The following DSG4 variants were observed in gnomAD, a reference collection of about 807,000 sequenced individuals.
DSG4 encodes desmoglein-4.
Under a neutral mutation model 93.1 loss-of-function variants are expected in DSG4, and 87 were observed. That is an observed-to-expected ratio of 0.93 (90% confidence interval 0.79 to 1.12). The LOEUF (loss-of-function observed/expected upper bound fraction) is 1.12, where lower values mean the gene tolerates loss of function less well. DSG4 is among the 50% of genes most tolerant of loss of function. The probability of loss-of-function intolerance (pLI) is 0.00; values close to 1 mark genes in which losing one functional copy is unlikely to be tolerated. For missense variants in DSG4, 1,373 were observed against 1,285.7 expected (o/e 1.07, Z -1.04); for synonymous variants, 432 against 452.9 (o/e 0.95, Z 0.59).
At chr18:31,410,935 G>C (rs7241860) in intron 14 of DSG4, among the ~76,000 whole-genome samples, 3,623 of 152,252 alleles carry the variant, frequency 0.024, 146 homozygotes, top group African/African-American at 0.081. Context: ...CGGCGGGAAC[G>C]GGCGCCTGCT....
intron 9 of DSG4, among the ~76,000 whole-genome samples, chr18:31,400,619 A>G (rs935683735): frequency 6.6e-6 from 1 of 151,952 alleles, no homozygotes; most frequent in Non-Finnish European, 1.5e-5. Context: ...TAGAGCTGAA[A>G]TAAACTCATA....
intron 1 of DSG4, among the ~76,000 whole-genome samples, chr18:31,380,931 A>G (rs768278310): frequency 6.6e-6 from 1 of 152,202 alleles, no homozygotes; most frequent in Non-Finnish European, 1.5e-5. Flanking sequence ...TCTCTCTAGA[A>G]GTAAGGATTA....
At chr18:31,408,061 T>A (rs914198741) in intron 12 of DSG4, among the ~76,000 whole-genome samples, 2 of 152,188 alleles carry the variant, frequency 1.3e-5, no homozygotes, top group African/African-American at 4.8e-5. Flanking sequence ...AACTGATGGA[T>A]TGTAGAATAG....
rs1316287891 is a variant in DSG4 at position 31,388,383 on chromosome 18, AATCGAACCAGAAGATAACATACCGG to A, written c.236_260del (p.Ser79PhefsTer4). ...TTCTTATAGATTCGATCAGACTGCG[AATCGAACCAGAAGATAACATACCGG>A]ATTTCTGGAGTAGGGATTGATCGAC... On this transcript the variant is annotated frameshift_variant, in exon 4 of 16. Coordinates refer to ENST00000308128, the MANE Select transcript of DSG4 (RefSeq NM_177986.5). LOFTEE classifies it high-confidence loss of function. The A allele has an allele frequency of 1.2e-6, 2 of 1,613,194 alleles. No individual in the cohort carries two copies. The highest frequency in any genetic ancestry group is 1.7e-6 in the Non-Finnish European group (2 of 1,179,494).
chr18:31,391,669 A>C (rs1389767308), intron 7 of DSG4, among the ~76,000 whole-genome samples: 8 of 151,746 alleles, frequency 5.3e-5, no homozygotes, highest in African/African-American at 1.2e-4. Flanking sequence ...GGTTTAAAAA[A>C]AAAAACAAAA....
At chr18:31,405,839 G>A (rs187954202) in intron 11 of DSG4, among the ~76,000 whole-genome samples, 24 of 152,018 alleles carry the variant, frequency 1.6e-4, no homozygotes, top group African/African-American at 2.2e-4. Context: ...AGTCATGTTC[G>A]TGCCACTGCA....
intron 1 of DSG4, among the ~76,000 whole-genome samples, chr18:31,380,416 A>G (rs978979928): frequency 9.9e-5 from 15 of 152,180 alleles, no homozygotes; most frequent in Admixed American, 9.2e-4. Flanking sequence ...CCCTTCCCCA[A>G]GTGGGAGCAC....
chr18:31,391,658 C>T (rs1038810643), intron 7 of DSG4, among the ~76,000 whole-genome samples: 23 of 150,544 alleles, frequency 1.5e-4, no homozygotes, highest in South Asian at 6.3e-4. Context: ...CTGTCTGTTT[C>T]GGTTTAAAAA....
At chr18:31,407,380 T>C (rs888925003) in intron 12 of DSG4, among the ~76,000 whole-genome samples, 3 of 152,202 alleles carry the variant, frequency 2.0e-5, no homozygotes, top group African/African-American at 7.2e-5. Context: ...CTCTGGGCTC[T>C]GGGTGAGTGC....
rs537414253 is a variant in DSG4 at position 31,404,476 on chromosome 18, T to G, written c.1636+842T>G. Among the ~76,000 whole-genome samples, 29 of 152,302 alleles carry G rather than the reference T, an allele frequency of 1.9e-4. 1 individual carries two copies. In the South Asian group the frequency reaches 5.8e-3, roughly 30 times the overall value. On this transcript the variant is annotated intron_variant, in intron 11 of 15. Coordinates refer to ENST00000308128, the MANE Select transcript of DSG4 (RefSeq NM_177986.5). ...TGAGAGGATCTCATATGGGCTAAGA[T>G]AGCTCCCCAATCTCATATTCATTTG...
At chr18:31,377,836 C>T (rs754438784) in intron 1 of DSG4, among the ~76,000 whole-genome samples, 4 of 152,180 alleles carry the variant, frequency 2.6e-5, no homozygotes, top group Non-Finnish European at 4.4e-5. Flanking sequence ...TAGTTGGCCA[C>T]ACTTCAATCT....
intron 14 of DSG4, among the ~76,000 whole-genome samples, chr18:31,410,925 C>CG (rs1216150756): frequency 6.6e-6 from 1 of 152,196 alleles, no homozygotes; most frequent in Non-Finnish European, 1.5e-5. Flanking sequence ...GCAGCAGCCA[C>CG]GGCGGGAACG....
At chr18:31,396,858 C>T (rs890670650) in intron 8 of DSG4, among the ~76,000 whole-genome samples, 2 of 152,264 alleles carry the variant, frequency 1.3e-5, no homozygotes, top group Middle Eastern at 3.4e-3. Flanking sequence ...CATGCCGAGA[C>T]TTTTCTTCCA....
rs765398241 is a variant in DSG4, at chr18:31,388,519, CTT to C, written c.370_371del (p.Leu124AspfsTer11). 1 of 1,613,276 alleles carries C rather than the reference CTT, an allele frequency of 6.2e-7. No individual in the cohort carries two copies. The highest frequency in any genetic ancestry group is 8.5e-7 in the Non-Finnish European group (1 of 1,179,468). ...TAGACAGAGAAATAACTCCACTTTT[CTT>C]GGTAAGTCATAGCCATATGTTTTGA... ...VVDREITPLF[L>X]IYCRALNSRG... On this transcript the variant is annotated frameshift_variant and splice_region_variant, in exon 4 of 16. Transcript: ENST00000308128. LOFTEE classifies it high-confidence loss of function.
At chr18:31,411,883 G>A (rs561549393) in intron 15 of DSG4, among the ~76,000 whole-genome samples, 1 of 152,252 alleles carries the variant, frequency 6.6e-6, no homozygotes, top group African/African-American at 2.4e-5. Flanking sequence ...GGAACGAAAG[G>A]AGTTAAAACT....
chr18:31,394,382 A>T (rs1163331672), intron 8 of DSG4, among the ~76,000 whole-genome samples: 2 of 152,202 alleles, frequency 1.3e-5, no homozygotes, highest in African/African-American at 4.8e-5. Flanking sequence ...GTTTGAGACC[A>T]GCCTGACCAA....
intron 8 of DSG4, among the ~76,000 whole-genome samples, chr18:31,393,456 A>G (rs1363772810): frequency 1.3e-5 from 2 of 152,190 alleles, no homozygotes; most frequent in African/African-American, 4.8e-5. Context: ...ATCATTGTGG[A>G]AGGCAAAGGG....
chr18:31,413,060 C>A lies in DSG4; in HGVS notation c.2588C>A (p.Pro863Gln), dbSNP rs373617984. Residue 863 changes from proline to glutamine, a missense_variant, in exon 16 of 16, where the codon CCA becomes CAA. Transcript: ENST00000308128. Reference protein sequence around the residue: ...EPFPSHQACIPISTDLPLLGP... With the variant: ...EPFPSHQACIQISTDLPLLGP... ...TTTCCTTCACACCAGGCTTGTATAC[C>A]AATCAGTACTGACCTCCCTTTGCTC... The A allele has an allele frequency of 3.1e-6, 5 of 1,614,098 alleles. 1 individual carries two copies. The South Asian group carries it at 5.5e-5, about 18-fold the overall frequency.
At chr18:31,388,772 A>C (rs1598738365) in intron 4 of DSG4, 102 bp from the exon 5 acceptor site, 2 of 1,560,524 alleles carry the variant, frequency 1.3e-6, no homozygotes, top group Non-Finnish European at 1.8e-6. Flanking sequence ...GTCTGAATTC[A>C]CTGGAAAAAA....
Sources: allele counts gnomAD v4.1 joint callset (sites outside exome capture counted in the v4.1 genomes callset), GRCh38; gene constraint gnomAD v4.1.1; transcripts MANE v1.5; gene names NCBI Gene and HGNC (gene_info 2026-07-23, HGNC 2026-07-21).